Variants in CCDC7 observed in about 807,000 individuals in gnomAD.
CCDC7 encodes coiled-coil domain containing 7.
In CCDC7, 183 loss-of-function variants were observed where a neutral mutation model predicts 196.9. The ratio of observed to expected loss-of-function variants is 0.93; its 90% confidence interval spans 0.82 to 1.05. CCDC7 has a LOEUF of 1.05. Ranked by LOEUF, CCDC7 falls within the 50% of genes least tolerant of loss-of-function variation. The pLI is 0.00. For missense variants in CCDC7, 1,540 were observed against 1,482.2 expected (o/e 1.04, Z -0.64); for synonymous variants, 525 against 484.6 (o/e 1.08, Z -1.10).
intron 21 of CCDC7, among the ~76,000 whole-genome samples, chr10:32,677,357 A>T (rs1453010513): frequency 6.7e-6 from 1 of 148,286 alleles, no homozygotes; most frequent in Non-Finnish European, 1.5e-5. Flanking sequence ...CTAAAACTTA[A>T]AGTATAATAA....
intron 20 of CCDC7, among the ~76,000 whole-genome samples, chr10:32,654,076 AT>A (rs1308087938): frequency 2.0e-5 from 3 of 151,820 alleles, no homozygotes; most frequent in Admixed American, 6.6e-5. Flanking sequence ...AATGTCACTA[AT>A]TTTTTTGTCT....
At chr10:32,669,964 G>A (rs2073726358) in intron 21 of CCDC7, among the ~76,000 whole-genome samples, 1 of 152,136 alleles carries the variant, frequency 6.6e-6, no homozygotes, top group Non-Finnish European at 1.5e-5. Context: ...TTTGCTTGGT[G>A]AGCATGGAGT....
intron 29 of CCDC7, among the ~76,000 whole-genome samples, chr10:32,794,093 TTCCCACCCATG>T (rs2134729662): frequency 6.6e-6 from 1 of 152,290 alleles, no homozygotes; most frequent in Non-Finnish European, 1.5e-5. Flanking sequence ...ATAGGTAGCC[TTCCCACCCATG>T]TCCCTCTCCC....
intron 28 of CCDC7, among the ~76,000 whole-genome samples, chr10:32,764,506 C>T (rs1051816759): frequency 2.6e-5 from 4 of 151,832 alleles, no homozygotes; most frequent in Non-Finnish European, 1.5e-5. Flanking sequence ...TTAGAAAGGA[C>T]TGTAACGGTC....
At chr10:32,710,291 G>T (rs2080606568) in intron 24 of CCDC7, among the ~76,000 whole-genome samples, 1 of 152,186 alleles carries the variant, frequency 6.6e-6, no homozygotes, top group South Asian at 2.1e-4. Flanking sequence ...TAAACCATGA[G>T]TCTCAATCCC....
At chr10:32,731,768 A>G (rs1440326735) in intron 28 of CCDC7, among the ~76,000 whole-genome samples, 1 of 152,168 alleles carries the variant, frequency 6.6e-6, no homozygotes, top group African/African-American at 2.4e-5. Context: ...TATAAAACTG[A>G]TAGGGCTGGG....
intron 3 of CCDC7, 157 bp downstream of exon 4, chr10:32,456,491 C>CT (rs35197513): frequency 7.7e-4 from 423 of 550,164 alleles, no homozygotes; most frequent in Middle Eastern, 2.3e-3. Flanking sequence ...ATTTTTTATT[C>CT]TTTTTTTTTA....
chr10:32,675,487 T>A (rs1479473182), intron 21 of CCDC7, among the ~76,000 whole-genome samples: 1 of 152,204 alleles, frequency 6.6e-6, no homozygotes, highest in Non-Finnish European at 1.5e-5. Flanking sequence ...ATTTTTGTGA[T>A]TATAGTTATC....
chr10:32,659,856 A>G (rs1013517915), intron 20 of CCDC7, among the ~76,000 whole-genome samples: 73 of 152,224 alleles, frequency 4.8e-4, no homozygotes, highest in Non-Finnish European at 1.0e-4. Flanking sequence ...AGGAAAAGGA[A>G]CACTTATACA....
chr10:32,745,691 G>A (rs1228014887), intron 28 of CCDC7, among the ~76,000 whole-genome samples: 3 of 152,100 alleles, frequency 2.0e-5, no homozygotes, highest in African/African-American at 7.2e-5. Flanking sequence ...TCCAAATAAT[G>A]TCAGCCATTC....
intron 28 of CCDC7, among the ~76,000 whole-genome samples, chr10:32,768,297 G>A (rs1296299827): frequency 6.6e-6 from 1 of 152,046 alleles, no homozygotes; most frequent in African/African-American, 2.4e-5. Flanking sequence ...GCTATTGTAA[G>A]TGGGATTGCC....
chr10:32,879,270 A>G (rs1395517823), downstream of CCDC7, among the ~76,000 whole-genome samples: 1 of 152,168 alleles, frequency 6.6e-6, no homozygotes, highest in African/African-American at 2.4e-5. Context: ...CCATAGCAGG[A>G]CAAGTTTCCT....
chr10:32,484,732 CT>C (rs1412493939), intron 8 of CCDC7, among the ~76,000 whole-genome samples: 1 of 152,062 alleles, frequency 6.6e-6, no homozygotes, highest in African/African-American at 2.4e-5. Context: ...TGTCAAAGGC[CT>C]TTTCTGCATC....
intron 25 of CCDC7, among the ~76,000 whole-genome samples, chr10:32,722,923 G>C (rs963664790): frequency 2.0e-5 from 3 of 152,100 alleles, no homozygotes; most frequent in African/African-American, 7.2e-5. Context: ...GTTCTTCATA[G>C]GCACATAGGG....
intron 16 of CCDC7, among the ~76,000 whole-genome samples, chr10:32,580,363 T>C (rs1184763590): frequency 1.3e-5 from 2 of 152,154 alleles, no homozygotes; most frequent in African/African-American, 4.8e-5. Flanking sequence ...TTTTCCAGGC[T>C]CTTAGTCATC....
At chr10:32,650,260 T>G (rs2068502719) in intron 20 of CCDC7, among the ~76,000 whole-genome samples, 1 of 152,298 alleles carries the variant, frequency 6.6e-6, no homozygotes, top group Non-Finnish European at 1.5e-5. Context: ...GGTTTCACAG[T>G]GGGGATAATT....
intron 28 of CCDC7, among the ~76,000 whole-genome samples, chr10:32,776,256 A>G (rs1236131604): frequency 6.6e-6 from 1 of 150,386 alleles, no homozygotes; most frequent in Non-Finnish European, 1.5e-5. Context: ...CAATGTGCAC[A>G]TGTACCCTAA....
At chr10:32,802,483 C>A (rs1215117084) in intron 29 of CCDC7, among the ~76,000 whole-genome samples, 1 of 152,160 alleles carries the variant, frequency 6.6e-6, no homozygotes, top group Non-Finnish European at 1.5e-5. Flanking sequence ...CAACTAAATA[C>A]TCCATCCTTA....
intron 20 of CCDC7, among the ~76,000 whole-genome samples, chr10:32,641,820 A>C (rs1435952497): frequency 6.6e-6 from 1 of 152,152 alleles, no homozygotes; most frequent in Admixed American, 6.5e-5. Flanking sequence ...TGACGAACAG[A>C]TGGGGTTTTG....
Sources: gnomAD v4.1 joint callset for allele counts (sites outside exome capture counted in the v4.1 genomes callset) on GRCh38, gnomAD v4.1.1 for gene constraint, MANE v1.5 for transcripts, NCBI Gene and HGNC (gene_info 2026-07-23, HGNC 2026-07-21) for gene names.